The following PAPPA2 variants were observed in gnomAD, a reference collection of about 807,000 sequenced individuals.
The protein encoded by PAPPA2 is pappalysin-2.
In PAPPA2, 86 loss-of-function variants were observed where a neutral mutation model predicts 176.4. That is an observed-to-expected ratio of 0.49 (90% CI 0.41 to 0.58). The LOEUF is 0.58. Among genes scored for constraint, PAPPA2 ranks in the 20% least tolerant of loss-of-function variants. The pLI, the probability that PAPPA2 is intolerant of heterozygous loss-of-function variation, is 0.00. For synonymous variants in PAPPA2, 809 were observed against 852.2 expected (o/e 0.95, Z 0.88); for missense variants, 2,073 against 2,256.9 (o/e 0.92, Z 1.65).
intron 3 of PAPPA2, among the ~76,000 whole-genome samples, chr1:176,661,783 G>T (rs1482423600): frequency 1.3e-5 from 2 of 151,988 alleles, no homozygotes; most frequent in Admixed American, 1.3e-4. Flanking sequence ...GTAAAATTTA[G>T]CTTCTCTGTC....
At chr1:176,680,266 G>T (rs1012680968) in intron 4 of PAPPA2, among the ~76,000 whole-genome samples, 1 of 152,140 alleles carries the variant, frequency 6.6e-6, no homozygotes, top group South Asian at 2.1e-4. Context: ...AGGAGGAGTT[G>T]GTTGGAGATG....
At chr1:176,632,564 G>C (rs1393910416) in intron 3 of PAPPA2, among the ~76,000 whole-genome samples, 1 of 152,068 alleles carries the variant, frequency 6.6e-6, no homozygotes, top group African/African-American at 2.4e-5. Context: ...AGTGAAGACT[G>C]ACAGTGCTAA....
At chr1:176,469,935 T>C (rs866752324) in intron 1 of PAPPA2, among the ~76,000 whole-genome samples, 1 of 152,130 alleles carries the variant, frequency 6.6e-6, no homozygotes, top group Admixed American at 6.5e-5. Flanking sequence ...TGGTTCCCAT[T>C]CCATGTTGAT....
At position 176,595,246 on chromosome 1, in the gene PAPPA2, C is replaced by T. The variant is rs868766303; in HGVS notation, c.1642C>T (p.Arg548Cys). The change falls in exon 3 of 23, where the codon CGT (arginine) becomes TGT (cysteine). Residue 548 changes from arginine to cysteine, a missense_variant. Transcript: ENST00000367662. ...CCCCATTGTGAGTGAGGAGCAGATT[C>T]GTCTGCAGCACGAGGCACTGAATGA... Reference protein sequence around the residue: ...LNPIVSEEQIRLQHEALNEAF... With the variant: ...LNPIVSEEQICLQHEALNEAF... 3.5e-5 allele frequency: 57 copies of T among 1,614,082 alleles called. No individual in the cohort carries two copies. The highest frequency in any genetic ancestry group is 4.5e-5 in the Non-Finnish European group (53 of 1,180,042).
At chr1:176,497,973 G>A (rs1167841133) in intron 1 of PAPPA2, among the ~76,000 whole-genome samples, 5 of 152,080 alleles carry the variant, frequency 3.3e-5, no homozygotes, top group Non-Finnish European at 7.4e-5. Context: ...TGTGTCTTTG[G>A]TCCTCTTTTT....
At chr1:176,830,248 G>A (rs1486479346) in intron 21 of PAPPA2, among the ~76,000 whole-genome samples, 3 of 152,048 alleles carry the variant, frequency 2.0e-5, no homozygotes, top group Admixed American at 6.5e-5. Flanking sequence ...AGATGACAGG[G>A]GGAATGTTTA....
rs189024055 is a variant in PAPPA2 at position 176,465,853 on chromosome 1, G to A, written c.-917+2435G>A. 7.9e-5 allele frequency among the ~76,000 whole-genome samples: 12 copies of A among 152,040 alleles called. No homozygotes were observed. The East Asian group carries it at 2.3e-3, about 29-fold the overall frequency. The stretch of plus-strand genomic sequence containing the variant: ...TGTTGTTCCCCTCTATGTGTCATGT[G>A]TTCTCATCATTTAGCTTCCTTTTGC... On this transcript the variant is annotated intron_variant, in intron 1 of 22. Transcript: ENST00000367662.
chr1:176,840,081 C>A, intron 21 of PAPPA2, 92 bp from the exon 22 acceptor site: 2 of 994,642 alleles, frequency 2.0e-6, no homozygotes, highest in South Asian at 2.8e-5. Flanking sequence ...ATCTCTGGAG[C>A]TGTATGGATT....
At chr1:176,475,499 A>G (rs1376412917) in intron 1 of PAPPA2, among the ~76,000 whole-genome samples, 1 of 152,204 alleles carries the variant, frequency 6.6e-6, no homozygotes, top group Non-Finnish European at 1.5e-5. Context: ...AGCACTGAGA[A>G]CCATATGTGC....
Position 176,740,158 on chromosome 1 carries a change from C to T in PAPPA2, c.4113C>T (p.Cys1371=). The T allele has an allele frequency of 6.2e-7, 1 of 1,613,834 alleles. No individual in the cohort carries two copies. Among genetic ancestry groups the T allele is most frequent in the Non-Finnish European group, 8.5e-7 (1 of 1,179,838 alleles). ...TTGGTCTTTCGGCTCCCAGTAACTGCATCTCAGAGGACGAGGGGCAGAATC... is the reference window on the plus strand; with the variant it reads ...TTGGTCTTTCGGCTCCCAGTAACTGTATCTCAGAGGACGAGGGGCAGAATC... ...SRIGLSAPSN[C]ISEDEGQNHQ... Residue 1371 remains cysteine, a synonymous_variant, in exon 14 of 23, where the codon TGC becomes TGT. Transcript: ENST00000367662.
intron 1 of PAPPA2, among the ~76,000 whole-genome samples, chr1:176,508,928 T>A (rs114941855): frequency 0.022 from 3,425 of 152,242 alleles, 72 homozygotes; most frequent in Middle Eastern, 0.058. Flanking sequence ...GACCTTTTTT[T>A]TAAAAATAAA....
chr1:176,693,741 C>T (rs1015221303), intron 6 of PAPPA2, among the ~76,000 whole-genome samples: 16 of 152,266 alleles, frequency 1.1e-4, no homozygotes, highest in African/African-American at 3.6e-4. Context: ...GCGCCCAAAC[C>T]CTTTTGGGCT....
At chr1:176,770,723 T>C (rs1233566590) in intron 16 of PAPPA2, among the ~76,000 whole-genome samples, 1 of 152,216 alleles carries the variant, frequency 6.6e-6, no homozygotes, top group Non-Finnish European at 1.5e-5. Flanking sequence ...TAGCCCTTCT[T>C]TCATTTGGGT....
chr1:176,670,845 C>T, intron 3 of PAPPA2, 125 bp from the exon 4 acceptor site: 1 of 1,211,522 alleles, frequency 8.3e-7, no homozygotes, highest in African/African-American at 1.5e-5. Flanking sequence ...CTGGTCTCTG[C>T]CCCATGCCCC....
At chr1:176,492,971 T>C (rs755483329) in intron 1 of PAPPA2, among the ~76,000 whole-genome samples, 2 of 152,206 alleles carry the variant, frequency 1.3e-5, no homozygotes, top group Non-Finnish European at 2.9e-5. Flanking sequence ...TTCAGGATAA[T>C]ACCCTCTAGT....
At chr1:176,782,615 A>T (rs1288486111) in intron 17 of PAPPA2, among the ~76,000 whole-genome samples, 1 of 152,068 alleles carries the variant, frequency 6.6e-6, no homozygotes, top group Non-Finnish European at 1.5e-5. Flanking sequence ...TGTGCTTGGG[A>T]TTCTAAGTCC....
At chr1:176,513,450 C>T (rs936313925) in intron 1 of PAPPA2, among the ~76,000 whole-genome samples, 19 of 151,934 alleles carry the variant, frequency 1.3e-4, no homozygotes, top group African/African-American at 4.4e-4. Context: ...TTCTCTTTTG[C>T]CTTCCTCTGA....
At chr1:176,623,605 TCCTTCCTTCCTTCC>T (rs1558478950) in intron 3 of PAPPA2, among the ~76,000 whole-genome samples, 19 of 143,710 alleles carry the variant, frequency 1.3e-4, no homozygotes, top group Admixed American at 4.2e-4. Context: ...CTTCCTTCCT[TCCTTCCTTCCTTCC>T]TTCCTTTTTT....
intron 17 of PAPPA2, among the ~76,000 whole-genome samples, chr1:176,775,929 AGAGAAAATG>A (rs1309235812): frequency 6.6e-6 from 1 of 152,208 alleles, no homozygotes; most frequent in Non-Finnish European, 1.5e-5. Context: ...TGAAGGTAAT[AGAGAAAATG>A]TAAGCAGAAT....
Sources: allele counts gnomAD v4.1 joint callset (sites outside exome capture counted in the v4.1 genomes callset), GRCh38; gene constraint gnomAD v4.1.1; transcripts MANE v1.5; gene names NCBI Gene and HGNC (gene_info 2026-07-23, HGNC 2026-07-21).